PCDHA5: variants seen among roughly 807,000 people sequenced by gnomAD.
PCDHA5 encodes protocadherin alpha-5.
In PCDHA5, 43 loss-of-function variants were observed where a neutral mutation model predicts 61.6. The ratio of observed to expected loss-of-function variants is 0.70; its 90% CI spans 0.55 to 0.90. The LOEUF (loss-of-function observed/expected upper bound fraction) is 0.90. PCDHA5 is among the 40% of genes least tolerant of loss of function. The pLI is 0.00. For synonymous variants in PCDHA5, 627 were observed against 543.9 expected, an observed-to-expected ratio of 1.15 and a Z score of -2.13; for missense variants, 1,298 against 1,222.7, an observed-to-expected ratio of 1.06 and a Z score of -0.92.
chr5:140,938,207 A>G (rs782001361), intron 1 of PCDHA5, among the ~76,000 whole-genome samples: 6 of 152,112 alleles, frequency 3.9e-5, no homozygotes, highest in Non-Finnish European at 8.8e-5. Flanking sequence ...CAGCCTCCCA[A>G]AGTGCTGGGA....
chr5:140,979,411 T>C (rs1422593406), intron 2 of PCDHA5, among the ~76,000 whole-genome samples: 1 of 152,204 alleles, frequency 6.6e-6, no homozygotes, highest in Non-Finnish European at 1.5e-5. Flanking sequence ...CTACCTTGTT[T>C]TTTTTTTAAT....
intron 1 of PCDHA5, among the ~76,000 whole-genome samples, chr5:140,916,184 A>C (rs1554197322): frequency 6.6e-6 from 1 of 152,092 alleles, no homozygotes. Context: ...CTCTTCAAGG[A>C]AGTGGGCACC....
intron 1 of PCDHA5, chr5:140,875,945 CT>C (rs782069405): frequency 6.2e-7 from 1 of 1,614,144 alleles, no homozygotes; most frequent in South Asian, 1.1e-5. Flanking sequence ...GAGGGCGCTT[CT>C]GATGCGGATA....
chr5:140,967,173 T>C, intron 1 of PCDHA5: 1 of 1,611,178 alleles, frequency 6.2e-7, no homozygotes, highest in Non-Finnish European at 8.5e-7. Context: ...GCCGTTGAGG[T>C]GGAAATATTG....
rs529079699 is a variant in PCDHA5, at chr5:140,984,687, T to C, written c.2500+2124T>C. ...TTAGGTTTTTAGGACTCAATATATGTTCTGCACTGCTTGGAGGGAATATGG... is the reference window on the plus strand; with the variant it reads ...TTAGGTTTTTAGGACTCAATATATGCTCTGCACTGCTTGGAGGGAATATGG... On this transcript the variant is annotated intron_variant, in intron 3 of 3. Transcript: ENST00000529859. Among the ~76,000 whole-genome samples the C allele has an allele frequency of 2.0e-5, 3 of 152,332 alleles. No individual in the cohort carries two copies. The East Asian group carries it at 5.8e-4, about 29-fold the overall frequency.
intron 1 of PCDHA5, among the ~76,000 whole-genome samples, chr5:140,899,954 T>C (rs1240765868): frequency 6.6e-6 from 1 of 151,586 alleles, no homozygotes; most frequent in Non-Finnish European, 1.5e-5. Context: ...ACCACAGGCA[T>C]GTGCTGCCAT....
At chr5:140,834,256 T>A in intron 1 of PCDHA5, 1 of 945,884 alleles carries the variant, frequency 1.1e-6, no homozygotes, top group South Asian at 1.7e-5. Flanking sequence ...GGAAAGACGC[T>A]CCACTCTCTT....
In PCDHA5 at chr5:140,851,944, C is replaced by G; in HGVS notation, c.2352+27817C>G. The G allele has an allele frequency of 1.7e-5, 16 of 969,410 alleles. 1 individual carries two copies. Among genetic ancestry groups the G allele is most frequent in the Non-Finnish European group, 2.0e-5 (16 of 802,504 alleles). The allele number at this position is 969,410 out of a possible 1,614,324, so 60.1% of individuals were successfully genotyped here. A position where few individuals can be genotyped will look rare whatever the true frequency, so the allele number is the denominator to read the frequency against. On this transcript the variant is annotated intron_variant, in intron 1 of 3. Transcript: ENST00000529859. ...ATGTTTCCTGAATTGTAGTATGTGA[C>G]TTTCAAAATGGTGGTTTTCCACACT...
At chr5:140,883,876 C>A in intron 1 of PCDHA5, 1 of 1,613,214 alleles carries the variant, frequency 6.2e-7, no homozygotes, top group Non-Finnish European at 8.5e-7. Flanking sequence ...TCCAGGTGAG[C>A]GCGCGCGACT....
chr5:140,875,210 AAAAGAACCTC>A (rs2055354064), intron 1 of PCDHA5: 1 of 696,510 alleles, frequency 1.4e-6, no homozygotes, highest in Non-Finnish European at 2.1e-6. Context: ...GGCTAAACCG[AAAAGAACCTC>A]AGGATCTTTC....
Position 140,849,058 on chromosome 5 carries a change from A to G in PCDHA5, c.2352+24931A>G, listed in dbSNP as rs2150429611. 41 of 1,550,890 alleles carry G rather than the reference A, an allele frequency of 2.6e-5. 1 individual carries two copies. Among genetic ancestry groups the G allele is most frequent in the Non-Finnish European group, 3.6e-5 (41 of 1,140,546 alleles). On this transcript the variant is annotated intron_variant, in intron 1 of 3. Coordinates refer to ENST00000529859, the MANE Select transcript of PCDHA5 (RefSeq NM_018908.3). ...CTGGACGTGCCAACCAGCAACCAGCAGGTAAAACCTCTTGGACTTGTATTA... is the reference window on the plus strand; with the variant it reads ...CTGGACGTGCCAACCAGCAACCAGCGGGTAAAACCTCTTGGACTTGTATTA...
At chr5:140,892,021 G>T (rs2063355611) in intron 1 of PCDHA5, among the ~76,000 whole-genome samples, 1 of 152,160 alleles carries the variant, frequency 6.6e-6, no homozygotes, top group Non-Finnish European at 1.5e-5. Context: ...AGCACAAATG[G>T]TCTAAGATAC....
chr5:140,905,776 GT>G (rs1255347430), intron 1 of PCDHA5, among the ~76,000 whole-genome samples: 1 of 152,068 alleles, frequency 6.6e-6, no homozygotes, highest in African/African-American at 2.4e-5. Flanking sequence ...ATTCCGAAGT[GT>G]ATTAGTCAGG....
At position 140,823,615 on chromosome 5, in the gene PCDHA5, C is replaced by T. The variant is rs2150127467; in HGVS notation, c.1840C>T (p.Pro614Ser). 3.1e-6 allele frequency: 5 copies of T among 1,613,928 alleles called. No individual in the cohort carries two copies. The Admixed American group carries it at 8.3e-5, about 27-fold the overall frequency. Residue 614 changes from proline to serine, a missense_variant, in exon 1 of 4, where the codon CCT becomes TCT. By Grantham distance (74) the Pro-to-Ser change is moderately conservative (BLOSUM62 -1). Coordinates refer to ENST00000529859, the MANE Select transcript of PCDHA5 (RefSeq NM_018908.3). ...GCTTTCGTATGAGCTGCAGCCAGCG[C>T]CTGGCAGTGCGCGCATCCCGTTCCG... is the stretch of plus-strand genomic sequence containing the variant. ...AWLSYELQPAPGSARIPFRVG... is the reference protein window; with the variant it reads ...AWLSYELQPASGSARIPFRVG...
intron 1 of PCDHA5, among the ~76,000 whole-genome samples, chr5:140,962,688 G>C (rs1433931568): frequency 2.0e-5 from 3 of 152,164 alleles, no homozygotes; most frequent in African/African-American, 7.2e-5. Context: ...TGTTTTATCT[G>C]TAAATAATGC....
intron 1 of PCDHA5, chr5:140,828,401 A>C: frequency 2.5e-6 from 4 of 1,614,288 alleles, no homozygotes; most frequent in Non-Finnish European, 3.4e-6. Context: ...GGAGTGCAGC[A>C]TCCACCTGGA....
At position 141,010,386 on chromosome 5, in the gene PCDHA5, T is replaced by C; in HGVS notation, c.*449T>C. On this transcript the variant is annotated 3_prime_UTR_variant, in exon 4 of 4. Coordinates refer to ENST00000529859, the MANE Select transcript of PCDHA5 (RefSeq NM_018908.3). ...GGGTATGCGAGTGCCAGATATTGGCTGAGACGAGCCAGCTTAGACTAATTG... is the reference window on the plus strand; with the variant it reads ...GGGTATGCGAGTGCCAGATATTGGCCGAGACGAGCCAGCTTAGACTAATTG... The C allele has an allele frequency of 7.1e-7, 1 of 1,413,970 alleles. No homozygotes were observed. The highest frequency in any genetic ancestry group is 9.4e-7 in the Non-Finnish European group (1 of 1,063,616). 87.6% of individuals were successfully genotyped at this position (1,413,970 alleles called of 1,614,324 possible). A position where few individuals can be genotyped will look rare whatever the true frequency, so the allele number is the denominator to read the frequency against.
chr5:140,884,386 G>T (rs372595984), intron 1 of PCDHA5: 2 of 1,613,986 alleles, frequency 1.2e-6, no homozygotes, highest in African/African-American at 2.7e-5. Flanking sequence ...CCATCTGCGC[G>T]GTGTCCAGCC....
chr5:140,843,802 G>A (rs2150366922), intron 1 of PCDHA5: 2 of 1,291,294 alleles, frequency 1.5e-6, no homozygotes, highest in South Asian at 1.4e-5. Flanking sequence ...GTTTTTCACC[G>A]TATTTTATAG....
Sources: allele counts gnomAD v4.1 joint callset (sites outside exome capture counted in the v4.1 genomes callset), GRCh38; gene constraint gnomAD v4.1.1; transcripts MANE v1.5; gene names NCBI Gene and HGNC (gene_info 2026-07-23, HGNC 2026-07-21).